Variants in RUSC2 observed in about 807,000 individuals in gnomAD.
RUSC2 encodes the protein AP-4 complex accessory subunit RUSC2.
Under a neutral mutation model 122.2 loss-of-function variants are expected in RUSC2, and 34 were observed. The ratio of observed to expected loss-of-function variants is 0.28; its 90% confidence interval spans 0.21 to 0.37. The LOEUF (loss-of-function observed/expected upper bound fraction) is 0.37. Ranked by LOEUF, RUSC2 falls within the 10% of genes least tolerant of loss-of-function variation. The probability of loss-of-function intolerance (pLI) is 1.00; values close to 1 mark genes in which losing one functional copy is unlikely to be tolerated. For missense variants in RUSC2, 1,747 were observed against 1,952.4 expected (o/e 0.89, Z 1.98); for synonymous variants, 784 against 790.0 (o/e 0.99, Z 0.13).
At position 35,547,003 on chromosome 9, in the gene RUSC2, C is replaced by G; in HGVS notation, c.482C>G (p.Thr161Arg). Residue 161 changes from threonine to arginine, a missense_variant, in exon 2 of 12, where the codon ACA becomes AGA. By Grantham distance (71) the Thr-to-Arg change is moderately conservative. Transcript: ENST00000361226. The surrounding 1 kb of genome is among the most constrained non-coding windows in gnomAD (Gnocchi z 4.6). ...SGPRVGRPWG[T>R]TRSRAGVVEG... ...CCCAGAGTGGGCAGGCCATGGGGGACAACACGCAGTCGGGCTGGAGTGGTG... is the reference window on the plus strand; with the variant it reads ...CCCAGAGTGGGCAGGCCATGGGGGAGAACACGCAGTCGGGCTGGAGTGGTG... 6.2e-7 allele frequency: 1 copy of G among 1,603,576 alleles called. No homozygotes were observed. The highest frequency in any genetic ancestry group is 8.5e-7 in the Non-Finnish European group (1 of 1,174,104).
chr9:35,535,705 A>AT (rs1356797671), intron 1 of RUSC2, among the ~76,000 whole-genome samples: 1 of 150,942 alleles, frequency 6.6e-6, no homozygotes, highest in Admixed American at 6.6e-5. Flanking sequence ...CGCCCGGCTA[A>AT]TTTTTTTTGT....
At chr9:35,512,152 G>C (rs1259437686) in intron 1 of RUSC2, among the ~76,000 whole-genome samples, 3 of 151,850 alleles carry the variant, frequency 2.0e-5, no homozygotes, top group African/African-American at 7.3e-5. Context: ...CTGCACTCCA[G>C]CCTGGGCGAC....
rs747217604 is a variant in RUSC2, at chr9:35,555,312, G to C, written c.2267G>C (p.Arg756Pro). Residue 756 changes from arginine (R) to proline (P), a missense_variant, in exon 3 of 12, where the codon CGA becomes CCA. Transcript: ENST00000361226. The surrounding 1 kb of genome is among the most constrained non-coding windows in gnomAD (Gnocchi z 4.6). Reference protein sequence around the residue: ...PSGEPQASTPRATGRGARKAG... With the variant: ...PSGEPQASTPPATGRGARKAG... ...GGGGAACCGCAGGCATCCACTCCCCGAGCCACTGGCAGAGGTGCCAGGAAA... is the reference window on the plus strand; with the variant it reads ...GGGGAACCGCAGGCATCCACTCCCCCAGCCACTGGCAGAGGTGCCAGGAAA... 4 of 1,614,062 alleles carry C rather than the reference G, an allele frequency of 2.5e-6. No homozygotes were observed. The East Asian group carries it at 8.9e-5, about 36-fold the overall frequency.
At position 35,502,447 on chromosome 9, in the gene RUSC2, G is replaced by GAAGA. The variant is rs1470314992; in HGVS notation, c.-93+12276_-93+12279dup. Among the ~76,000 whole-genome samples the GAAGA allele has an allele frequency of 3.9e-5, 6 of 152,312 alleles. No individual in the cohort carries two copies. In the East Asian group the frequency reaches 1.2e-3, roughly 29 times the overall value. On this transcript the variant is annotated intron_variant, in intron 1 of 11. Coordinates refer to ENST00000361226, the MANE Select transcript of RUSC2 (RefSeq NM_014806.5). ...TCCCTCAAGATTAAGGGATTGTGAA[G>GAAGA]AAGAGTTCTAAGGAAATACTTTTAG...
intron 1 of RUSC2, among the ~76,000 whole-genome samples, chr9:35,491,751 A>G (rs1343031995): frequency 6.6e-6 from 1 of 152,194 alleles, no homozygotes; most frequent in African/African-American, 2.4e-5. Flanking sequence ...GAAGTTCAAG[A>G]TCAGCCTGGC....
In RUSC2 at chr9:35,555,614, C is replaced by A; in HGVS notation, c.2569C>A (p.Leu857Met). The change falls in exon 3 of 12, where the codon CTG becomes ATG. Residue 857 changes from leucine to methionine, a missense_variant. Leu to Met is a conservative substitution (Grantham distance 15). Transcript: ENST00000361226. The surrounding 1 kb of genome is among the most constrained non-coding windows in gnomAD (Gnocchi z 4.6). ...RLHGTGSLPP[L>M]GSWRSGLSRA... is the part of the protein sequence containing the mutation. ...CCATGGAACAGGAAGCTTGCCGCCTCTGGGCTCCTGGCGATCTGGCCTCAG... is the reference window on the plus strand; with the variant it reads ...CCATGGAACAGGAAGCTTGCCGCCTATGGGCTCCTGGCGATCTGGCCTCAG... 1 of 1,613,124 alleles carries A rather than the reference C, an allele frequency of 6.2e-7. No individual in the cohort carries two copies.
At chr9:35,531,985 C>T (rs923877382) in intron 1 of RUSC2, among the ~76,000 whole-genome samples, 4 of 152,174 alleles carry the variant, frequency 2.6e-5, no homozygotes, top group African/African-American at 9.7e-5. Context: ...GAGATCATGC[C>T]ACTGCACTCC....
intron 2 of RUSC2, among the ~76,000 whole-genome samples, chr9:35,550,931 T>C (rs1003758854): frequency 2.6e-5 from 4 of 151,634 alleles, no homozygotes; most frequent in Admixed American, 6.6e-5. Flanking sequence ...AAATTAGGTG[T>C]GGTGGCGGGT....
At chr9:35,554,968 C>G (rs978835495) in intron 2 of RUSC2, 92 bp from the exon 3 acceptor site, 77 of 1,462,122 alleles carry the variant, frequency 5.3e-5, no homozygotes, top group Non-Finnish European at 6.4e-5. Flanking sequence ...AGGTCCCTGC[C>G]CCTCTCCCCT....
chr9:35,511,994 C>T lies in RUSC2; in HGVS notation c.-93+21822C>T, dbSNP rs113015875. ...AGGAGATTGAGACCATCCTGGCTAACAAGGTGAAACCCCGTCTCTACTAAA... is the reference window on the plus strand; with the variant it reads ...AGGAGATTGAGACCATCCTGGCTAATAAGGTGAAACCCCGTCTCTACTAAA... On this transcript the variant is annotated intron_variant, in intron 1 of 11. Coordinates refer to ENST00000361226, the MANE Select transcript of RUSC2 (RefSeq NM_014806.5). Among the ~76,000 whole-genome samples, 885 of 152,214 alleles carry T rather than the reference C, an allele frequency of 5.8e-3. 15 individuals are homozygous for T. The highest frequency in any genetic ancestry group is 0.02 in the African/African-American group (850 of 41,538).
intron 1 of RUSC2, among the ~76,000 whole-genome samples, chr9:35,495,036 T>C (rs1820657231): frequency 1.2e-5 from 1 of 86,630 alleles, no homozygotes; most frequent in Admixed American, 1.9e-4. Flanking sequence ...ATATTATATA[T>C]ACTATAGTAT....
chr9:35,495,223 ATATT>A (rs1432958433), intron 1 of RUSC2, among the ~76,000 whole-genome samples: 17 of 41,498 alleles, frequency 4.1e-4, no homozygotes, highest in East Asian at 1.3e-3. Context: ...TATAAAGTAT[ATATT>A]TATATTATAT....
intron 1 of RUSC2, among the ~76,000 whole-genome samples, chr9:35,517,654 G>A (rs1166613539): frequency 6.6e-6 from 1 of 152,158 alleles, no homozygotes; most frequent in Non-Finnish European, 1.5e-5. Context: ...TATTTCGTCT[G>A]TTCCTCAAAC....
chr9:35,520,943 G>A (rs1821201691), intron 1 of RUSC2, among the ~76,000 whole-genome samples: 1 of 152,024 alleles, frequency 6.6e-6, no homozygotes, highest in South Asian at 2.1e-4. Flanking sequence ...GTCAAGGTAG[G>A]AACCAAATCT....
At chr9:35,535,172 A>G (rs1435291546) in intron 1 of RUSC2, among the ~76,000 whole-genome samples, 3 of 151,638 alleles carry the variant, frequency 2.0e-5, no homozygotes, top group East Asian at 1.9e-4. Context: ...CTGGAGTGCA[A>G]TGGTGCAATC....
rs780432239 is a variant in RUSC2 at position 35,547,405 on chromosome 9, C to T, written c.884C>T (p.Pro295Leu). The T allele has an allele frequency of 2.5e-6, 4 of 1,614,168 alleles. No homozygotes were observed. The highest frequency in any genetic ancestry group is 2.5e-6 in the Non-Finnish European group (3 of 1,180,034). Residue 295 changes from proline to leucine, a missense_variant, in exon 2 of 12, where the codon CCC (proline) becomes CTC (leucine). Transcript: ENST00000361226. This position sits in a 1 kb window ranked among gnomAD's most constrained non-coding sequence, Gnocchi z 4.6. ...STLYNKMHGT[P>L]RANLNSAPQS... ...CTCTACAACAAGATGCATGGCACCC[C>T]CCGTGCCAATCTCAACTCTGCCCCA...
At chr9:35,522,297 C>T (rs1821230948) in intron 1 of RUSC2, among the ~76,000 whole-genome samples, 1 of 152,336 alleles carries the variant, frequency 6.6e-6, no homozygotes, top group Non-Finnish European at 1.5e-5. Flanking sequence ...ATTTCACTCC[C>T]CATATCTCTA....
chr9:35,543,941 A>G (rs1376085359), intron 1 of RUSC2, among the ~76,000 whole-genome samples: 1 of 152,176 alleles, frequency 6.6e-6, no homozygotes, highest in African/African-American at 2.4e-5. Flanking sequence ...GTGTGAACAT[A>G]TGTTTTCATT....
chr9:35,515,041 T>C (rs1333566739), intron 1 of RUSC2, among the ~76,000 whole-genome samples: 2 of 152,160 alleles, frequency 1.3e-5, no homozygotes, highest in Non-Finnish European at 2.9e-5. Flanking sequence ...GTTCTGTTAA[T>C]TTGAAAGATA....
Sources: gnomAD v4.1 joint callset for allele counts (sites outside exome capture counted in the v4.1 genomes callset) on GRCh38, gnomAD v4.1.1 for gene constraint, Gnocchi (gnomAD v3.1) non-coding constraint, MANE v1.5 for transcripts, NCBI Gene and HGNC (gene_info 2026-07-23, HGNC 2026-07-21) for gene names.